ZNF385D: variants seen among roughly 807,000 people sequenced by gnomAD.
ZNF385D encodes the protein zinc finger protein 659.
A neutral mutation model predicts 35.8 loss-of-function variants in ZNF385D; 15 were observed. The observed-to-expected ratio is 0.42, with a 90% CI of 0.28 to 0.64. The LOEUF is 0.64. ZNF385D is among the 30% of genes least tolerant of loss of function. The pLI is 0.23. For missense variants in ZNF385D, 474 were observed against 494.6 expected (o/e 0.96, Z 0.39); for synonymous variants, 212 against 186.8 (o/e 1.13, Z -1.10).
At chr3:21,972,311 T>G (rs1245730748) in intron 3 of ZNF385D, among the ~76,000 whole-genome samples, 2 of 151,900 alleles carry the variant, frequency 1.3e-5, no homozygotes, top group Non-Finnish European at 2.9e-5. Context: ...ACATGGAAAT[T>G]AAACAATATG....
intron 2 of ZNF385D, among the ~76,000 whole-genome samples, chr3:21,622,160 A>G (rs2065026968): frequency 6.6e-6 from 1 of 152,136 alleles, no homozygotes; most frequent in Non-Finnish European, 1.5e-5. Flanking sequence ...CTTAGCTTTT[A>G]TCCTAGATAA....
intron 4 of ZNF385D, among the ~76,000 whole-genome samples, chr3:21,463,587 G>A (rs1703321710): frequency 6.6e-6 from 1 of 152,238 alleles, no homozygotes; most frequent in Middle Eastern, 3.4e-3. Context: ...TGGCCTTGAA[G>A]ACAGGGCCCT....
intron 4 of ZNF385D, among the ~76,000 whole-genome samples, chr3:21,499,987 T>C (rs1335427355): frequency 1.3e-5 from 2 of 152,170 alleles, no homozygotes; most frequent in Non-Finnish European, 2.9e-5. Context: ...TCCGACTCAA[T>C]AGAGCTTTTT....
intron 3 of ZNF385D, among the ~76,000 whole-genome samples, chr3:21,869,294 T>C (rs185809636): frequency 6.6e-6 from 1 of 152,242 alleles, no homozygotes; most frequent in Admixed American, 6.5e-5. Flanking sequence ...GAAAATCCTC[T>C]TCAGAGGCGG....
chr3:21,739,900 A>C (rs1419885960), intron 1 of ZNF385D, among the ~76,000 whole-genome samples: 2 of 152,192 alleles, frequency 1.3e-5, no homozygotes, highest in Non-Finnish European at 2.9e-5. Flanking sequence ...GTTAATCCTT[A>C]CAAACACTCT....
intron 2 of ZNF385D, among the ~76,000 whole-genome samples, chr3:21,610,372 T>C (rs1418127313): frequency 1.3e-5 from 2 of 152,182 alleles, no homozygotes; most frequent in African/African-American, 4.8e-5. Flanking sequence ...CTGGCATAGA[T>C]ATGAGCACTT....
intron 3 of ZNF385D, among the ~76,000 whole-genome samples, chr3:21,926,861 G>C (rs1393189535): frequency 6.6e-6 from 1 of 152,136 alleles, no homozygotes; most frequent in Non-Finnish European, 1.5e-5. Flanking sequence ...GAGTGAAAAG[G>C]CAATCTACAG....
intron 3 of ZNF385D, among the ~76,000 whole-genome samples, chr3:22,049,938 G>A (rs543720440): frequency 6.6e-6 from 1 of 152,228 alleles, no homozygotes; most frequent in East Asian, 1.9e-4. Flanking sequence ...ATGTTTATCA[G>A]GAATAATGGC....
At chr3:22,045,455 C>T (rs1698936216) in intron 3 of ZNF385D, among the ~76,000 whole-genome samples, 2 of 152,206 alleles carry the variant, frequency 1.3e-5, no homozygotes, top group Admixed American at 6.5e-5. Context: ...TGGGAACCCC[C>T]TCCACTGTGA....
At chr3:21,456,281 G>C (rs964628072) in intron 4 of ZNF385D, among the ~76,000 whole-genome samples, 1 of 152,188 alleles carries the variant, frequency 6.6e-6, no homozygotes, top group South Asian at 2.1e-4. Context: ...AAAGACACAC[G>C]CACATGTATG....
chr3:21,618,172 G>A (rs1287615137), intron 2 of ZNF385D, among the ~76,000 whole-genome samples: 2 of 152,164 alleles, frequency 1.3e-5, no homozygotes, highest in African/African-American at 4.8e-5. Flanking sequence ...AATTAGTGAT[G>A]CTGAGAGAAA....
chr3:22,334,078 G>A (rs575842113), intron 2 of ZNF385D, among the ~76,000 whole-genome samples: 32 of 152,110 alleles, frequency 2.1e-4, no homozygotes, highest in African/African-American at 6.3e-4. Flanking sequence ...AATTTTATGC[G>A]TTCACATATT....
chr3:21,591,759 T>C (rs1038131563), intron 2 of ZNF385D, among the ~76,000 whole-genome samples: 5 of 152,146 alleles, frequency 3.3e-5, no homozygotes, highest in Admixed American at 2.0e-4. Context: ...TGCTTTTTTA[T>C]CTCTCTATAT....
At chr3:21,483,719 A>G (rs1028206898) in intron 4 of ZNF385D, among the ~76,000 whole-genome samples, 1 of 152,134 alleles carries the variant, frequency 6.6e-6, no homozygotes, top group Admixed American at 6.6e-5. Flanking sequence ...TCTGTGCATT[A>G]TTTGACAAAA....
At chr3:22,303,426 C>G (rs557271590) in intron 2 of ZNF385D, among the ~76,000 whole-genome samples, 1 of 152,302 alleles carries the variant, frequency 6.6e-6, no homozygotes, top group South Asian at 2.1e-4. Flanking sequence ...CATCAGGAAC[C>G]TGCTTGTGTG....
At chr3:22,061,688 C>G (rs540029164) in intron 3 of ZNF385D, among the ~76,000 whole-genome samples, 1 of 152,258 alleles carries the variant, frequency 6.6e-6, no homozygotes, top group South Asian at 2.1e-4. Flanking sequence ...GTTATCTTGT[C>G]AAAGAGGCCT....
chr3:22,213,637 T>C (rs1397882614), intron 2 of ZNF385D, among the ~76,000 whole-genome samples: 5 of 151,942 alleles, frequency 3.3e-5, no homozygotes. Context: ...ATAACACAAG[T>C]TAAAAAACCT....
intron 3 of ZNF385D, among the ~76,000 whole-genome samples, chr3:21,990,738 TACA>T (rs1695103018): frequency 6.6e-6 from 1 of 152,220 alleles, no homozygotes; most frequent in Non-Finnish European, 1.5e-5. Flanking sequence ...AGCCTGTTTC[TACA>T]ACATCTACAG....
intron 2 of ZNF385D, among the ~76,000 whole-genome samples, chr3:22,328,178 G>A (rs1174177699): frequency 6.6e-6 from 1 of 151,696 alleles, no homozygotes; most frequent in Non-Finnish European, 1.5e-5. Flanking sequence ...CTTATTTCAT[G>A]TTTCATGCTT....
Sources: gnomAD v4.1 joint callset for allele counts (sites outside exome capture counted in the v4.1 genomes callset) on GRCh38, gnomAD v4.1.1 for gene constraint, MANE v1.5 for transcripts, NCBI Gene and HGNC (gene_info 2026-07-23, HGNC 2026-07-21) for gene names.